The following SSX2IP variants were observed in gnomAD, a reference collection of about 807,000 sequenced individuals.
The protein encoded by SSX2IP is SSX family member 2 interacting protein, also known as afadin- and alpha-actinin-binding protein.
A neutral mutation model predicts 84.9 loss-of-function variants in SSX2IP; 55 were observed. The observed-to-expected ratio is 0.65, with a 90% CI of 0.52 to 0.81. The LOEUF is 0.81. Ranked by LOEUF, SSX2IP falls within the 30% of genes least tolerant of loss-of-function variation. The probability of loss-of-function intolerance (pLI) is 0.00; values close to 1 mark genes in which losing one functional copy is unlikely to be tolerated. For missense variants in SSX2IP, 664 were observed against 705.2 expected (o/e 0.94, Z 0.66); for synonymous variants, 239 against 234.7 (o/e 1.02, Z -0.17).
At chr1:84,659,946 T>C (rs944117429) in intron 8 of SSX2IP, among the ~76,000 whole-genome samples, 2 of 152,090 alleles carry the variant, frequency 1.3e-5, no homozygotes, top group Non-Finnish European at 2.9e-5. Context: ...CAAGGTGGGA[T>C]GACTGTTTAA....
intron 8 of SSX2IP, among the ~76,000 whole-genome samples, chr1:84,661,114 G>C (rs1570617722): frequency 6.9e-6 from 1 of 144,180 alleles, no homozygotes; most frequent in African/African-American, 2.6e-5. Context: ...TTTTTTAAAT[G>C]TTAAGGAGAA....
chr1:84,672,289 C>T (rs1020809721), intron 1 of SSX2IP, among the ~76,000 whole-genome samples: 1 of 151,938 alleles, frequency 6.6e-6, no homozygotes, highest in Admixed American at 6.6e-5. Flanking sequence ...AGCTGCTTCT[C>T]GGCTACAATA....
rs113242758 is a variant in SSX2IP, at chr1:84,660,169, T to G, written c.928-1701A>C. ...TTCAAAAATCTTTCCCTACAAAAAT[T>G]AAAGAGAAAAGGGAGCTAGAAAAAT... is the stretch of plus-strand genomic sequence containing the variant. On this transcript the variant is annotated intron_variant, in intron 8 of 13. Coordinates refer to ENST00000342203, the MANE Select transcript of SSX2IP (RefSeq NM_001166293.2). Among the ~76,000 whole-genome samples, 197 of 152,238 alleles carry G rather than the reference T, an allele frequency of 1.3e-3. 2 individuals carry two copies. The highest frequency in any genetic ancestry group is 4.6e-3 in the African/African-American group (190 of 41,544).
At chr1:84,662,989 A>G (rs1652247092) in intron 6 of SSX2IP, among the ~76,000 whole-genome samples, 1 of 152,136 alleles carries the variant, frequency 6.6e-6, no homozygotes, top group Non-Finnish European at 1.5e-5. Flanking sequence ...TATACTGCCT[A>G]TGGCTACTTT....
At chr1:84,690,550 CACCCCGCCCCCGCGCGCCGGCGCCGCAG>C (rs1656488965), upstream of SSX2IP, 1 of 152,224 alleles carries the variant, frequency 6.6e-6, no homozygotes, top group Admixed American at 6.5e-5. Flanking sequence ...CCGAGGTTCC[CACCCCGCCCCCGCGCGCCGGCGCCGCAG>C]GCCCCGCCGC....
chr1:84,671,301 G>C lies in SSX2IP; in HGVS notation c.-82C>G. 1 of 1,564,012 alleles carries C rather than the reference G, an allele frequency of 6.4e-7. No homozygotes were observed. The highest frequency in any genetic ancestry group is 8.6e-7 in the Non-Finnish European group (1 of 1,158,982). On this transcript the variant is annotated 5_prime_UTR_variant, in exon 2 of 14. Transcript: ENST00000342203. ...CTAGCTGCTGTCACTCTTCTATGTAGGCATCTCCTTAAAAAGCAGATTATA... is the reference window on the plus strand; with the variant it reads ...CTAGCTGCTGTCACTCTTCTATGTACGCATCTCCTTAAAAAGCAGATTATA...
chr1:84,665,691 C>T (rs942036065), intron 5 of SSX2IP, among the ~76,000 whole-genome samples: 4 of 152,120 alleles, frequency 2.6e-5, no homozygotes, highest in Admixed American at 2.0e-4. Context: ...TGCTTCTGTG[C>T]CCATTTAATG....
intron 4 of SSX2IP, among the ~76,000 whole-genome samples, chr1:84,669,354 G>A (rs1219262878): frequency 6.6e-6 from 1 of 151,966 alleles, no homozygotes; most frequent in East Asian, 1.9e-4. Flanking sequence ...CTTACAATAA[G>A]ACTTTTAAAT....
At position 84,647,369 on chromosome 1, in the gene SSX2IP, C is replaced by A; in HGVS notation, c.*64G>T. ...AGAGATAACTGACTTTATGACACAC[C>A]CTGTTTCAACTTAGATGTGAAACTT... is the stretch of plus-strand genomic sequence containing the variant. On this transcript the variant is annotated 3_prime_UTR_variant, in exon 14 of 14. Coordinates refer to ENST00000342203, the MANE Select transcript of SSX2IP (RefSeq NM_001166293.2). 7.1e-7 allele frequency: 1 copy of A among 1,405,432 alleles called. No homozygotes were observed. The highest frequency in any genetic ancestry group is 9.5e-7 in the Non-Finnish European group (1 of 1,047,386). The allele number at this position is 1,405,432 out of a possible 1,614,324, so 87.1% of individuals were successfully genotyped here. A position where few individuals can be genotyped will look rare whatever the true frequency, so the allele number is the denominator to read the frequency against.
At chr1:84,649,906 T>C in intron 13 of SSX2IP, 1 of 529,548 alleles carries the variant, frequency 1.9e-6, no homozygotes, top group South Asian at 1.4e-5. Context: ...TGGGCACAAA[T>C]CTTTTTCACT....
At chr1:84,683,861 A>T (rs1314496352) in intron 1 of SSX2IP, among the ~76,000 whole-genome samples, 1 of 152,228 alleles carries the variant, frequency 6.6e-6, no homozygotes, top group Non-Finnish European at 1.5e-5. Context: ...ACAGTGTATC[A>T]GTTTCAAATT....
intron 1 of SSX2IP, among the ~76,000 whole-genome samples, chr1:84,674,091 C>G (rs1653956996): frequency 6.6e-6 from 1 of 152,130 alleles, no homozygotes; most frequent in African/African-American, 2.4e-5. Context: ...GACAATAAAC[C>G]TATTCTAATA....
chr1:84,673,814 G>T (rs959598727), intron 1 of SSX2IP, among the ~76,000 whole-genome samples: 1 of 152,146 alleles, frequency 6.6e-6, no homozygotes, highest in Non-Finnish European at 1.5e-5. Flanking sequence ...TACTAAGACA[G>T]ATGATGTTAC....
chr1:84,670,743 A>G lies in SSX2IP; in HGVS notation c.116T>C (p.Leu39Pro), dbSNP rs200932524. The G allele has an allele frequency of 8.6e-5, 138 of 1,613,152 alleles. 1 individual carries two copies. The highest frequency in any genetic ancestry group is 8.2e-4 in the Middle Eastern group (5 of 6,072). ...TTTCGATAAAGGTATTGAAGAACAT[A>G]GCACTTGCTGTGAGTATAAACTTGA... ...SPSSLYSQQV[L>P]CSSIPLSKNV... Residue 39 changes from leucine (L) to proline (P), a missense_variant, in exon 3 of 14, where the codon CTA (leucine) becomes CCA (proline). Physicochemically the swap from Leu to Pro is moderately conservative, Grantham distance 98 (BLOSUM62 -3). Coordinates refer to ENST00000342203, the MANE Select transcript of SSX2IP (RefSeq NM_001166293.2).
chr1:84,686,675 G>C (rs1655838121), intron 1 of SSX2IP, among the ~76,000 whole-genome samples: 1 of 152,156 alleles, frequency 6.6e-6, no homozygotes, highest in South Asian at 2.1e-4. Context: ...AGCAGACCCA[G>C]ACACAAGAGA....
Position 84,662,195 on chromosome 1 carries a change from T to G in SSX2IP, c.927+3A>C. On this transcript the variant is annotated splice_donor_region_variant and intron_variant, in intron 8 of 13. Coordinates refer to ENST00000342203, the MANE Select transcript of SSX2IP (RefSeq NM_001166293.2). ...CTGTATTAGAGAGGAAAGAGCCACT[T>G]ACAGTTCCTGTACTATCATCTACTC... The G allele has an allele frequency of 3.2e-6, 5 of 1,561,526 alleles. No individual in the cohort carries two copies. The highest frequency in any genetic ancestry group is 4.3e-6 in the Non-Finnish European group (5 of 1,157,766).
chr1:84,664,137 T>C (rs917838415), intron 6 of SSX2IP, among the ~76,000 whole-genome samples: 4 of 152,212 alleles, frequency 2.6e-5, no homozygotes, highest in South Asian at 2.1e-4. Flanking sequence ...TTCTTTGCTA[T>C]GGAAAATTAG....
chr1:84,662,090 G>A, intron 8 of SSX2IP, 108 bp downstream of exon 8: 2 of 698,258 alleles, frequency 2.9e-6, no homozygotes, highest in Non-Finnish European at 4.8e-6. Context: ...GCAGTTGAGT[G>A]TCCTATTCAA....
intron 1 of SSX2IP, among the ~76,000 whole-genome samples, chr1:84,677,271 G>C (rs780062871): frequency 6.6e-6 from 1 of 152,036 alleles, no homozygotes; most frequent in South Asian, 2.1e-4. Flanking sequence ...CAATAGCTTT[G>C]TTCTTGTTTA....
Sources: gnomAD v4.1 joint callset for allele counts (sites outside exome capture counted in the v4.1 genomes callset) on GRCh38, gnomAD v4.1.1 for gene constraint, MANE v1.5 for transcripts, NCBI Gene and HGNC (gene_info 2026-07-23, HGNC 2026-07-21) for gene names.